The following OXTR variants were observed in gnomAD, a reference collection of about 807,000 sequenced individuals.
The protein encoded by OXTR is oxytocin receptor.
Under a neutral mutation model 23.9 loss-of-function variants are expected in OXTR, and 19 were observed. The ratio of observed to expected loss-of-function variants is 0.80; its 90% CI spans 0.56 to 1.17. The LOEUF is 1.17. Ranked by LOEUF, OXTR falls within the 50% of genes most tolerant of loss-of-function variation. The pLI is 0.00. For missense variants in OXTR, 500 were observed against 550.7 expected (o/e 0.91, Z 0.92); for synonymous variants, 278 against 250.5 (o/e 1.11, Z -1.04).
the OXTR span, among the ~76,000 whole-genome samples, chr3:8,741,633 C>G: frequency 6.6e-6 from 1 of 152,178 alleles, no homozygotes; most frequent in African/African-American, 2.4e-5. Context: ...CCAGTGGATA[C>G]TGGGACCATA....
chr3:8,767,247 G>A lies in OXTR; in HGVS notation c.922+19C>T. ...CAGCCACCAGGCTCCCTCCTCCTGG[G>A]TCTCCCAGCCCTGGCTACCTTCCTT... is the stretch of plus-strand genomic sequence containing the variant. On this transcript the variant is annotated intron_variant, in intron 3 of 3. Coordinates refer to ENST00000316793, the MANE Select transcript of OXTR (RefSeq NM_000916.4). The A allele has an allele frequency of 6.6e-7, 1 of 1,518,456 alleles. No individual in the cohort carries two copies. Among genetic ancestry groups the A allele is most frequent in the East Asian group, 2.3e-5 (1 of 42,936 alleles). 94.1% of individuals were successfully genotyped at this position (1,518,456 alleles called of 1,614,324 possible).
In OXTR at chr3:8,752,422, T is replaced by C. The variant is rs1205155886; in HGVS notation, c.*555A>G. On this transcript the variant is annotated 3_prime_UTR_variant, in exon 4 of 4. Transcript: ENST00000316793. ...TTAACCCAAGTTCTAATAGGTCCAC[T>C]GCGCCAGATGGTCTTACAAGGTAAT... 1 of 152,896 alleles carries C rather than the reference T, an allele frequency of 6.5e-6. No individual in the cohort carries two copies. The highest frequency in any genetic ancestry group is 1.5e-5 in the Non-Finnish European group (1 of 68,230). 9.5% of individuals were successfully genotyped at this position (152,896 alleles called of 1,614,324 possible).
downstream of OXTR, chr3:8,745,446 G>C: frequency 9.1e-7 from 1 of 1,099,998 alleles, no homozygotes; most frequent in Non-Finnish European, 1.4e-6. The surrounding 1 kb of genome is among the most constrained non-coding windows in gnomAD (Gnocchi z 4.8). Context: ...AGGGGATTCT[G>C]ACACATGCAC....
intron 3 of OXTR, among the ~76,000 whole-genome samples, chr3:8,757,225 C>T (rs1015262762): frequency 2.0e-5 from 3 of 151,672 alleles, no homozygotes; most frequent in Admixed American, 6.6e-5. Flanking sequence ...AATTAAAGAT[C>T]GTGTAAAAGG....
chr3:8,760,998 G>A (rs1708472715), intron 3 of OXTR, among the ~76,000 whole-genome samples: 1 of 152,184 alleles, frequency 6.6e-6, no homozygotes, highest in African/African-American at 2.4e-5. Flanking sequence ...GACAGTTTTG[G>A]TGGCCACAGC....
chr3:8,745,728 G>A, downstream of OXTR: 1 of 1,614,128 alleles, frequency 6.2e-7, no homozygotes, highest in Non-Finnish European at 8.5e-7. The surrounding 1 kb of genome is among the most constrained non-coding windows in gnomAD (Gnocchi z 4.8). Context: ...GTGGTGCCAT[G>A]CATTAAGAGC....
rs930790796 is a variant in OXTR at position 8,767,261 on chromosome 3, G to C, written c.922+5C>G. ...CCTCCTCCTGGGTCTCCCAGCCCTGGCTACCTTCCTTGGGCGCGTTGGCAT... is the reference window on the plus strand; with the variant it reads ...CCTCCTCCTGGGTCTCCCAGCCCTGCCTACCTTCCTTGGGCGCGTTGGCAT... On this transcript the variant is annotated splice_donor_5th_base_variant and intron_variant, in intron 3 of 3. Transcript: ENST00000316793. 1.3e-6 allele frequency: 2 copies of C among 1,532,264 alleles called. No individual in the cohort carries two copies. Among genetic ancestry groups the C allele is most frequent in the Non-Finnish European group, 1.8e-6 (2 of 1,141,164 alleles). The allele number at this position is 1,532,264 out of a possible 1,614,324, so 94.9% of individuals were successfully genotyped here.
intron 3 of OXTR, among the ~76,000 whole-genome samples, chr3:8,761,522 A>G (rs1265913386): frequency 1.3e-5 from 2 of 152,054 alleles, no homozygotes; most frequent in Non-Finnish European, 2.9e-5. Flanking sequence ...TGGGGTCGTC[A>G]TGCAGTGTGT....
downstream of OXTR, among the ~76,000 whole-genome samples, chr3:8,749,850 A>G (rs566909711): frequency 4.6e-5 from 7 of 152,298 alleles, no homozygotes; most frequent in South Asian, 6.2e-4. Flanking sequence ...GTGTGTGGCT[A>G]TGTGGCTACT....
At chr3:8,763,299 G>A (rs1708530186) in intron 3 of OXTR, among the ~76,000 whole-genome samples, 1 of 152,184 alleles carries the variant, frequency 6.6e-6, no homozygotes, top group African/African-American at 2.4e-5. Flanking sequence ...TCAACCCCAG[G>A]CAGTGAGCCG....
At chr3:8,754,376 T>A (rs896712718) in intron 3 of OXTR, among the ~76,000 whole-genome samples, 5 of 152,094 alleles carry the variant, frequency 3.3e-5, no homozygotes, top group African/African-American at 1.2e-4. Flanking sequence ...CCAGGCAACA[T>A]CTCCAGAAAC....
rs776264651 is a variant in OXTR, at chr3:8,753,221, G to A, written c.926C>T (p.Ser309Leu). The A allele has an allele frequency of 1.5e-5, 25 of 1,613,954 alleles. No homozygotes were observed. Among genetic ancestry groups the A allele is most frequent in the Non-Finnish European group, 1.7e-5 (20 of 1,179,992 alleles). ...CAGGAGCATGACGATGATGAAGGCCGAGGCTGAGGGGGTGGGGGCAGGAGA... is the reference window on the plus strand; with the variant it reads ...CAGGAGCATGACGATGATGAAGGCCAAGGCTGAGGGGGTGGGGGCAGGAGA... The part of the protein sequence containing the change: ...VWDANAPKEA[S>L]AFIIVMLLAS... Residue 309 changes from serine to leucine, a missense_variant, in exon 4 of 4, where the codon TCG becomes TTG. Ser to Leu is a moderately radical substitution (Grantham distance 145, BLOSUM62 -2). Coordinates refer to ENST00000316793, the MANE Select transcript of OXTR (RefSeq NM_000916.4).
Position 8,761,957 on chromosome 3 carries a change from C to T in OXTR, c.922+5309G>A, listed in dbSNP as rs13326857. 5.7e-3 allele frequency among the ~76,000 whole-genome samples: 875 copies of T among 152,296 alleles called. 11 individuals are homozygous for T. The highest frequency in any genetic ancestry group is 0.02 in the African/African-American group (829 of 41,572). ...CACTACTGTCTCCTGGGGCTGGGGGCTCTGGCAGGTGGGCTCAGGTGTACA... is the reference window on the plus strand; with the variant it reads ...CACTACTGTCTCCTGGGGCTGGGGGTTCTGGCAGGTGGGCTCAGGTGTACA... On this transcript the variant is annotated intron_variant, in intron 3 of 3. Transcript: ENST00000316793.
At chr3:8,745,480 G>A, downstream of OXTR, 2 of 1,147,288 alleles carry the variant, frequency 1.7e-6, no homozygotes, top group South Asian at 2.4e-5. This position sits in a 1 kb window ranked among gnomAD's most constrained non-coding sequence, Gnocchi z 4.8. Context: ...AGCTTGAGAA[G>A]CGGGTGGCTT....
intron 3 of OXTR, among the ~76,000 whole-genome samples, chr3:8,760,735 A>C (rs899569287): frequency 6.6e-6 from 1 of 152,176 alleles, no homozygotes; most frequent in Non-Finnish European, 1.5e-5. Flanking sequence ...CGTGGAAGAA[A>C]CTGGGGTGGG....
At chr3:8,742,360 CAA>C in the OXTR span, 1,563 of 240,992 alleles carry the variant, frequency 6.5e-3, no homozygotes, top group South Asian at 0.016. Flanking sequence ...CTGCAAACAC[CAA>C]AAAAAAAAAA....
At chr3:8,759,212 T>C (rs746771521) in intron 3 of OXTR, among the ~76,000 whole-genome samples, 1 of 152,356 alleles carries the variant, frequency 6.6e-6, no homozygotes, top group Admixed American at 6.5e-5. Context: ...CTTCTTTGCA[T>C]AGTAAGCTCC....
intron 3 of OXTR, among the ~76,000 whole-genome samples, chr3:8,756,634 G>C (rs1018976147): frequency 6.6e-6 from 1 of 152,202 alleles, no homozygotes; most frequent in Non-Finnish European, 1.5e-5. Context: ...TTTTGACGCT[G>C]TGGATGCTGT....
In OXTR at chr3:8,753,184, G is replaced by A; in HGVS notation, c.963C>T (p.Asn321=). Reference sequence around the variant, plus strand: ...TGTAGATCCAGGGGTTGCAGCAGCTGTTGAGGCTGGCCAGGAGCATGACGA... The same window carrying A: ...TGTAGATCCAGGGGTTGCAGCAGCTATTGAGGCTGGCCAGGAGCATGACGA... ...FIIVMLLASL[N]SCCNPWIYML... Residue 321 remains asparagine, a synonymous_variant, in exon 4 of 4, where the codon AAC becomes AAT. Transcript: ENST00000316793. 6.2e-7 allele frequency: 1 copy of A among 1,614,166 alleles called. No individual in the cohort carries two copies. The highest frequency in any genetic ancestry group is 8.5e-7 in the Non-Finnish European group (1 of 1,180,038).
Sources: gnomAD v4.1 joint callset for allele counts (sites outside exome capture counted in the v4.1 genomes callset) on GRCh38, gnomAD v4.1.1 for gene constraint, Gnocchi (gnomAD v3.1) non-coding constraint, MANE v1.5 for transcripts, NCBI Gene and HGNC (gene_info 2026-07-23, HGNC 2026-07-21) for gene names.